The following TRPS1 variants were observed in gnomAD, a reference collection of about 807,000 sequenced individuals.
TRPS1 encodes the protein transcriptional repressor GATA binding 1.
In TRPS1, 6 loss-of-function variants were observed where a neutral mutation model predicts 101.2. That is an observed-to-expected ratio of 0.06 (90% CI 0.03 to 0.12). The LOEUF (loss-of-function observed/expected upper bound fraction) is 0.12. Ranked by LOEUF, TRPS1 falls within the 10% of genes least tolerant of loss-of-function variation. The pLI, the probability that TRPS1 is intolerant of heterozygous loss-of-function variation, is 1.00. For missense variants in TRPS1, 1,363 were observed against 1,567.0 expected (o/e 0.87, Z 2.20); for synonymous variants, 578 against 589.8 (o/e 0.98, Z 0.29).
intron 5 of TRPS1, among the ~76,000 whole-genome samples, chr8:115,468,814 T>C (rs1814391412): frequency 1.3e-5 from 2 of 152,162 alleles, no homozygotes; most frequent in Non-Finnish European, 1.5e-5. Flanking sequence ...AAAAGGGATA[T>C]ACATAGTACA....
intron 5 of TRPS1, among the ~76,000 whole-genome samples, chr8:115,443,544 C>T (rs1813660299): frequency 6.6e-6 from 1 of 152,168 alleles, no homozygotes; most frequent in South Asian, 2.1e-4. Flanking sequence ...TCTGTCTTTA[C>T]TGCCTTGGTA....
intron 5 of TRPS1, among the ~76,000 whole-genome samples, chr8:115,492,438 A>G (rs1268681369): frequency 6.7e-6 from 1 of 149,370 alleles, no homozygotes; most frequent in Non-Finnish European, 1.5e-5. Context: ...GTCAATTGTT[A>G]TTTATTGGGT....
chr8:115,543,430 T>G (rs1371949444), intron 5 of TRPS1, among the ~76,000 whole-genome samples: 1 of 152,192 alleles, frequency 6.6e-6, no homozygotes, highest in East Asian at 1.9e-4. Context: ...TCCAATAATT[T>G]TTTTTAAATT....
chr8:115,499,947 CTTTCTTTCTTTCTTTCTTTTCTTTTCT>C (rs1232698265), intron 5 of TRPS1, among the ~76,000 whole-genome samples: 1 of 66,890 alleles, frequency 1.5e-5, no homozygotes, highest in Non-Finnish European at 2.9e-5. Flanking sequence ...TTCTTTCTTT[CTTTCTTTCTTTCTTTCTTTTCTTTTCT>C]TTTCTTTTCT....
chr8:115,560,299 C>T (rs542887405), intron 5 of TRPS1, among the ~76,000 whole-genome samples: 4 of 152,094 alleles, frequency 2.6e-5, no homozygotes, highest in South Asian at 4.2e-4. Context: ...AAGGAATCCA[C>T]GAAGAAAAAT....
At chr8:115,453,583 G>A (rs1416086464) in intron 5 of TRPS1, among the ~76,000 whole-genome samples, 2 of 152,160 alleles carry the variant, frequency 1.3e-5, no homozygotes, top group East Asian at 1.9e-4. Flanking sequence ...ATGAAAACAA[G>A]CTCAAAATGT....
chr8:115,445,644 G>A (rs956563005), intron 5 of TRPS1, among the ~76,000 whole-genome samples: 1 of 152,078 alleles, frequency 6.6e-6, no homozygotes, highest in South Asian at 2.1e-4. Flanking sequence ...AACAAAATGA[G>A]AAGAATTAAA....
Position 115,566,046 on chromosome 8 carries a change from G to A in TRPS1, c.2700+20955C>T, listed in dbSNP as rs189859012. 4.6e-5 allele frequency among the ~76,000 whole-genome samples: 7 copies of A among 152,148 alleles called. No homozygotes were observed. The East Asian group carries it at 1.2e-3, about 25-fold the overall frequency. ...CCATGGCATAGATTTTAGCAAATTC[G>A]TGGCCATATCCTATTTTAAAGAAAA... is the stretch of plus-strand genomic sequence containing the variant. On this transcript the variant is annotated intron_variant, in intron 5 of 6. Coordinates refer to ENST00000395715, the MANE Select transcript of TRPS1 (RefSeq NM_014112.5).
chr8:115,557,908 C>T (rs1486242937), intron 5 of TRPS1, among the ~76,000 whole-genome samples: 3 of 152,026 alleles, frequency 2.0e-5, no homozygotes, highest in Non-Finnish European at 2.9e-5. Flanking sequence ...TATATTCTAG[C>T]GAATTTTTTG....
At chr8:115,485,403 G>A (rs1322317536) in intron 5 of TRPS1, among the ~76,000 whole-genome samples, 4 of 152,196 alleles carry the variant, frequency 2.6e-5, no homozygotes, top group Non-Finnish European at 2.9e-5. Context: ...ACCCTGAACA[G>A]AACATCCAGT....
intron 5 of TRPS1, among the ~76,000 whole-genome samples, chr8:115,538,703 T>C (rs1321996476): frequency 1.3e-5 from 2 of 152,156 alleles, no homozygotes; most frequent in African/African-American, 2.4e-5. Context: ...CTAGATACCA[T>C]ATGTTTTCTA....
rs1815554194 is a variant in TRPS1 at position 115,510,362 on chromosome 8, G to A, written c.2700+76639C>T. On this transcript the variant is annotated intron_variant, in intron 5 of 6. Transcript: ENST00000395715. ...GAGCCTTTTAAGAGTTCTTAAAATT[G>A]TGCAGTTGCAGACACTGAACTGATT... is the stretch of plus-strand genomic sequence containing the variant. Among the ~76,000 whole-genome samples the A allele has an allele frequency of 2.0e-5, 3 of 151,906 alleles. No individual in the cohort carries two copies. The South Asian group carries it at 6.2e-4, about 31-fold the overall frequency.
chr8:115,446,263 G>A (rs745431547), intron 5 of TRPS1, among the ~76,000 whole-genome samples: 1 of 150,910 alleles, frequency 6.6e-6, no homozygotes, highest in Non-Finnish European at 1.5e-5. Context: ...GGAATGTGCT[G>A]TGTATGTATT....
At chr8:115,620,839 C>G (rs757332425) in intron 2 of TRPS1, among the ~76,000 whole-genome samples, 1 of 152,178 alleles carries the variant, frequency 6.6e-6, no homozygotes, top group African/African-American at 2.4e-5. Context: ...TGCTGGGGAA[C>G]CTAATAAGCT....
At chr8:115,596,438 AAC>A (rs1305081718) in intron 4 of TRPS1, among the ~76,000 whole-genome samples, 2 of 151,894 alleles carry the variant, frequency 1.3e-5, no homozygotes, top group African/African-American at 2.4e-5. Flanking sequence ...CAAATAAATA[AAC>A]ACACACATAT....
Position 115,587,609 on chromosome 8 carries a change from A to G in TRPS1, c.2097-5T>C. On this transcript the variant is annotated splice_region_variant and splice_polypyrimidine_tract_variant and intron_variant, in intron 4 of 6. Transcript: ENST00000395715. The stretch of plus-strand genomic sequence containing the variant: ...TTGTAGCAGCTGTGTGCTCTCCTGG[A>G]GAAGAAGAAAACAGTTACTGCAAAG... 1 of 1,613,986 alleles carries G rather than the reference A, an allele frequency of 6.2e-7. No homozygotes were observed. The highest frequency in any genetic ancestry group is 8.5e-7 in the Non-Finnish European group (1 of 1,179,994).
chr8:115,579,179 C>T (rs1485879825), intron 5 of TRPS1, among the ~76,000 whole-genome samples: 3 of 152,032 alleles, frequency 2.0e-5, no homozygotes, highest in African/African-American at 7.2e-5. Context: ...TAAGCTTAAT[C>T]CTAGAAACTG....
intron 5 of TRPS1, among the ~76,000 whole-genome samples, chr8:115,439,711 G>A (rs1813543358): frequency 6.6e-6 from 1 of 152,108 alleles, no homozygotes; most frequent in Non-Finnish European, 1.5e-5. Flanking sequence ...TGTCCCTTCT[G>A]CTGAATATCC....
At chr8:115,458,740 G>A (rs1349370217) in intron 5 of TRPS1, among the ~76,000 whole-genome samples, 1 of 152,198 alleles carries the variant, frequency 6.6e-6, no homozygotes, top group Non-Finnish European at 1.5e-5. Context: ...GCAGGCTACT[G>A]TATTCCATGA....
Sources: allele counts gnomAD v4.1 joint callset (sites outside exome capture counted in the v4.1 genomes callset), GRCh38; gene constraint gnomAD v4.1.1; transcripts MANE v1.5; gene names NCBI Gene and HGNC (gene_info 2026-07-23, HGNC 2026-07-21).